Variants in FBN2 observed in about 807,000 individuals in gnomAD.
The protein encoded by FBN2 is fibrillin 2.
A neutral mutation model predicts 355.6 loss-of-function variants in FBN2; 105 were observed. The observed-to-expected ratio is 0.30, with a 90% confidence interval of 0.25 to 0.35. FBN2 has a LOEUF of 0.35. Among genes scored for constraint, FBN2 ranks in the 10% least tolerant of loss-of-function variants. FBN2 has a pLI of 1.00. For synonymous variants in FBN2, 1,350 were observed against 1,301.2 expected (o/e 1.04, Z -0.81); for missense variants, 3,280 against 3,758.7 (o/e 0.87, Z 3.33).
intron 8 of FBN2, among the ~76,000 whole-genome samples, chr5:128,397,352 A>C (rs1311282807): frequency 6.6e-6 from 1 of 152,228 alleles, no homozygotes; most frequent in East Asian, 1.9e-4. Context: ...CTAACGTTAT[A>C]AAACACAATC....
At chr5:128,318,003 T>C (rs1231656770) in intron 36 of FBN2, 146 bp downstream of exon 36, 8 of 819,020 alleles carry the variant, frequency 9.8e-6, no homozygotes, top group African/African-American at 1.7e-5. Context: ...GAGCAGATGA[T>C]TTGGAAGAGA....
intron 48 of FBN2, among the ~76,000 whole-genome samples, chr5:128,292,782 T>C (rs1210613434): frequency 2.0e-5 from 3 of 152,144 alleles, no homozygotes; most frequent in Admixed American, 6.5e-5. Flanking sequence ...TAAAATCCTA[T>C]CCAACATTTA....
chr5:128,349,533 G>C (rs1410303897), intron 22 of FBN2, 61 bp from the exon 23 acceptor site: 4 of 1,571,274 alleles, frequency 2.5e-6, no homozygotes, highest in East Asian at 2.3e-5. Context: ...AGCAGGTGTG[G>C]TCCTACTTCC....
intron 42 of FBN2, 108 bp from the exon 43 acceptor site, chr5:128,306,056 G>T: frequency 8.6e-7 from 1 of 1,156,670 alleles, no homozygotes; most frequent in Non-Finnish European, 1.3e-6. Flanking sequence ...AATATTCAGT[G>T]TCACAAAAAT....
intron 7 of FBN2, among the ~76,000 whole-genome samples, chr5:128,437,695 C>T (rs541667381): frequency 6.6e-6 from 1 of 151,190 alleles, no homozygotes; most frequent in South Asian, 2.1e-4. Flanking sequence ...ATATTATGCA[C>T]CTGAAAGAGA....
intron 59 of FBN2, among the ~76,000 whole-genome samples, chr5:128,275,122 A>C (rs1423574871): frequency 6.6e-6 from 1 of 152,176 alleles, no homozygotes; most frequent in African/African-American, 2.4e-5. Flanking sequence ...TCAGATGAAA[A>C]CACGGGCATT....
In FBN2 at chr5:128,310,068, A is replaced by G; in HGVS notation, c.5115T>C (p.Pro1705=). The change falls in exon 40 of 65, where the codon CCT becomes CCC. Residue 1705 remains proline, a synonymous_variant. Coordinates refer to ENST00000262464, the MANE Select transcript of FBN2 (RefSeq NM_001999.4). ...TTCCCAGGGTGTTATAGCAGGTCCC[A>G]GGCCCACACACACCAGGATGTGCAA... The part of the protein sequence containing the change: ...ECFAHPGVCG[P]GTCYNTLGNY... The G allele has an allele frequency of 6.2e-7, 1 of 1,613,514 alleles. No homozygotes were observed. Among genetic ancestry groups the G allele is most frequent in the East Asian group, 2.2e-5 (1 of 44,880 alleles).
chr5:128,416,479 C>A (rs568425670), intron 7 of FBN2, among the ~76,000 whole-genome samples: 4 of 152,298 alleles, frequency 2.6e-5, no homozygotes, highest in East Asian at 3.9e-4. Flanking sequence ...TCATAAAATT[C>A]TTGCCCAGAC....
chr5:128,477,245 C>T (rs563953645), intron 5 of FBN2, among the ~76,000 whole-genome samples: 16 of 152,200 alleles, frequency 1.1e-4, no homozygotes, highest in South Asian at 8.3e-4. Flanking sequence ...CTGTCCTGGA[C>T]GGCACAAAGA....
chr5:128,337,998 C>G lies in FBN2; in HGVS notation c.3597G>C (p.Val1199=), dbSNP rs1750891066. ...TATGTGCTGAGGAGATAAACTCACC[C>G]ACACAGTCCTCACGGGATGGTGACA... ...HELSPSREDC[V]DINECSLSDN... is the part of the protein sequence containing the mutation. The change falls in exon 27 of 65, where the codon GTG becomes GTC. Residue 1199 remains valine, a splice_region_variant and synonymous_variant. Transcript: ENST00000262464. The G allele has an allele frequency of 6.2e-7, 1 of 1,613,930 alleles. No individual in the cohort carries two copies. Among genetic ancestry groups the G allele is most frequent in the Non-Finnish European group, 8.5e-7 (1 of 1,179,966 alleles).
chr5:128,352,079 G>A lies in FBN2; in HGVS notation c.2675-1074C>T, dbSNP rs192551063. ...AAAGGCCAATATTTCTCCAGCTGAA[G>A]ATAATTATTTGATGAATAATTTAAA... On this transcript the variant is annotated intron_variant, in intron 20 of 64. Transcript: ENST00000262464. 8.5e-5 allele frequency among the ~76,000 whole-genome samples: 13 copies of A among 152,172 alleles called. No homozygotes were observed. The East Asian group carries it at 1.9e-3, about 23-fold the overall frequency.
intron 5 of FBN2, among the ~76,000 whole-genome samples, chr5:128,497,288 T>C (rs1755680641): frequency 6.6e-6 from 1 of 152,106 alleles, no homozygotes; most frequent in Admixed American, 6.6e-5. Context: ...CATGGATGAG[T>C]ACACACCAGA....
At chr5:128,534,224 A>G (rs1382038211) in intron 2 of FBN2, among the ~76,000 whole-genome samples, 1 of 152,086 alleles carries the variant, frequency 6.6e-6, no homozygotes, top group Non-Finnish European at 1.5e-5. Flanking sequence ...AAATGGTGTG[A>G]TACAGATAAA....
intron 8 of FBN2, among the ~76,000 whole-genome samples, chr5:128,398,789 C>G (rs1752716698): frequency 6.6e-6 from 1 of 152,172 alleles, no homozygotes; most frequent in African/African-American, 2.4e-5. Flanking sequence ...GTAACTGAAT[C>G]ACGGGGGCAG....
At chr5:128,506,155 T>C (rs887008538) in intron 5 of FBN2, among the ~76,000 whole-genome samples, 3 of 152,166 alleles carry the variant, frequency 2.0e-5, no homozygotes, top group African/African-American at 7.2e-5. Flanking sequence ...ATGAATGACA[T>C]TGAAAATCAC....
At chr5:128,349,034 T>C (rs1436792301) in intron 23 of FBN2, among the ~76,000 whole-genome samples, 1 of 152,208 alleles carries the variant, frequency 6.6e-6, no homozygotes, top group African/African-American at 2.4e-5. Context: ...TCTCCAACTT[T>C]CCTGCTGTGT....
intron 5 of FBN2, among the ~76,000 whole-genome samples, chr5:128,483,235 A>G (rs1755244419): frequency 6.6e-6 from 1 of 152,160 alleles, no homozygotes; most frequent in East Asian, 1.9e-4. Context: ...GACAGGATCA[A>G]TCATATCCCA....
At chr5:128,405,569 C>T (rs1358445113) in intron 8 of FBN2, among the ~76,000 whole-genome samples, 1 of 152,164 alleles carries the variant, frequency 6.6e-6, no homozygotes, top group Non-Finnish European at 1.5e-5. Context: ...AGGATTCATG[C>T]TTCTTTTCCA....
chr5:128,473,910 A>G (rs1312273837), intron 5 of FBN2, among the ~76,000 whole-genome samples: 1 of 152,192 alleles, frequency 6.6e-6, no homozygotes, highest in East Asian at 1.9e-4. Context: ...ACCTAATACC[A>G]TCATGTAATA....
Sources: gnomAD v4.1 joint callset for allele counts (sites outside exome capture counted in the v4.1 genomes callset) on GRCh38, gnomAD v4.1.1 for gene constraint, MANE v1.5 for transcripts, NCBI Gene and HGNC (gene_info 2026-07-23, HGNC 2026-07-21) for gene names.